The following DENND6A variants were observed in gnomAD, a reference collection of about 807,000 sequenced individuals.
DENND6A encodes the protein protein DENND6A.
Under a neutral mutation model 95.5 loss-of-function variants are expected in DENND6A, and 43 were observed. The ratio of observed to expected loss-of-function variants is 0.45; its 90% CI spans 0.35 to 0.58. The LOEUF (loss-of-function observed/expected upper bound fraction) is 0.58. DENND6A is among the 20% of genes least tolerant of loss of function. The pLI, the probability that DENND6A is intolerant of heterozygous loss-of-function variation, is 0.00. For synonymous variants in DENND6A, 257 were observed against 260.4 expected, an observed-to-expected ratio of 0.99 and a Z score of 0.13; for missense variants, 574 against 736.0, an observed-to-expected ratio of 0.78 and a Z score of 2.55.
chr3:57,652,529 G>A (rs1052611772), intron 9 of DENND6A, among the ~76,000 whole-genome samples: 2 of 152,192 alleles, frequency 1.3e-5, no homozygotes, highest in Non-Finnish European at 2.9e-5. Context: ...CTCAGAAACT[G>A]TGTGAAATAA....
chr3:57,668,914 C>A (rs1278270299), intron 3 of DENND6A, among the ~76,000 whole-genome samples: 1 of 152,142 alleles, frequency 6.6e-6, no homozygotes, highest in Non-Finnish European at 1.5e-5. Flanking sequence ...ACTCCGTCGC[C>A]CAGCCTGGAG....
chr3:57,634,235 C>T (rs895680831), intron 14 of DENND6A, among the ~76,000 whole-genome samples: 1 of 151,272 alleles, frequency 6.6e-6, no homozygotes, highest in Non-Finnish European at 1.5e-5. Flanking sequence ...GAGTTCGAGA[C>T]CAGCCTGGCC....
intron 3 of DENND6A, 88 bp downstream of exon 3, chr3:57,672,168 G>T: frequency 8.2e-7 from 1 of 1,222,990 alleles, no homozygotes; most frequent in Non-Finnish European, 1.1e-6. Flanking sequence ...AATCTAATAT[G>T]CTATTTCAAT....
At chr3:57,681,987 A>C (rs1444583447) in intron 1 of DENND6A, among the ~76,000 whole-genome samples, 3 of 152,184 alleles carry the variant, frequency 2.0e-5, no homozygotes, top group Non-Finnish European at 4.4e-5. Flanking sequence ...TTATATGTGA[A>C]TACCTGAATT....
intron 1 of DENND6A, among the ~76,000 whole-genome samples, chr3:57,672,718 G>C (rs1284639224): frequency 6.6e-6 from 1 of 152,096 alleles, no homozygotes; most frequent in Non-Finnish European, 1.5e-5. Context: ...GGGAGACAGA[G>C]ATCGTAGTAA....
At chr3:57,645,640 A>G (rs761149880) in intron 11 of DENND6A, 21 bp downstream of exon 11, 2 of 1,568,700 alleles carry the variant, frequency 1.3e-6, no homozygotes, top group Non-Finnish European at 1.8e-6. Context: ...TACCTGGTCA[A>G]TAGAAGTTAT....
In DENND6A at chr3:57,654,043, G is replaced by A. The variant is rs1170423308; in HGVS notation, c.818+3637C>T. 2.0e-5 allele frequency among the ~76,000 whole-genome samples: 3 copies of A among 146,846 alleles called. No homozygotes were observed. The Admixed American group carries it at 2.1e-4, about 10-fold the overall frequency. ...GCTCACTGCAAGCTCCACCTCCCGG[G>A]TTCACACCATTCTCTTGCCTCAGCC... On this transcript the variant is annotated intron_variant, in intron 9 of 19. Coordinates refer to ENST00000311128, the MANE Select transcript of DENND6A (RefSeq NM_152678.3).
intron 3 of DENND6A, among the ~76,000 whole-genome samples, chr3:57,668,490 T>C (rs2071562061): frequency 1.3e-5 from 2 of 152,138 alleles, no homozygotes; most frequent in African/African-American, 4.8e-5. Flanking sequence ...ATGATGTTAA[T>C]GGTAAATGAT....
Position 57,672,387 on chromosome 3 carries a change from T to G in DENND6A, c.276+13A>C, listed in dbSNP as rs759800838. The G allele has an allele frequency of 8.1e-6, 13 of 1,612,732 alleles. No homozygotes were observed. Among genetic ancestry groups the G allele is most frequent in the Non-Finnish European group, 1.1e-5 (13 of 1,179,298 alleles). On this transcript the variant is annotated intron_variant, in intron 2 of 19. Transcript: ENST00000311128. The stretch of plus-strand genomic sequence containing the variant: ...TATAACAGTAAACTATACAGAGCAG[T>G]ATTTTTACTTACTTCTCTGTCAGTA...
rs199703095 is a variant in DENND6A at position 57,649,412 on chromosome 3, TA to T, written c.819-2975del. ...TACTTTTACACTGTTGGTAGAAATGTAAACTAGTACAACCACTATGGAAAAC... is the reference window on the plus strand; with the variant it reads ...TACTTTTACACTGTTGGTAGAAATGTAACTAGTACAACCACTATGGAAAAC... On this transcript the variant is annotated intron_variant, in intron 9 of 19. Transcript: ENST00000311128. Among the ~76,000 whole-genome samples, 1,032 of 151,868 alleles carry T rather than the reference TA, an allele frequency of 6.8e-3. 12 individuals carry two copies. The highest frequency in any genetic ancestry group is 0.023 in the African/African-American group (959 of 41,384).
At position 57,672,426 on chromosome 3, in the gene DENND6A, G is replaced by A; in HGVS notation, c.250C>T (p.Gln84Ter). ...TCTCTGTCAGTAAGTTTGGAATGCT[G>A]AGGATAAATTACCTGGAAGAAAAGA... ...LGQAVEVIYP[Q>*]HSKLTDREKT... Residue 84 changes from glutamine to a stop codon, truncating the protein, a stop_gained, in exon 2 of 20, where the codon CAG becomes TAG. Coordinates refer to ENST00000311128, the MANE Select transcript of DENND6A (RefSeq NM_152678.3). LOFTEE classifies it high-confidence loss of function. 2 of 1,612,322 alleles carry A rather than the reference G, an allele frequency of 1.2e-6. No homozygotes were observed. The highest frequency in any genetic ancestry group is 8.5e-7 in the Non-Finnish European group (1 of 1,179,220).
intron 15 of DENND6A, among the ~76,000 whole-genome samples, chr3:57,632,010 C>T (rs1472724276): frequency 6.9e-6 from 1 of 145,608 alleles, no homozygotes; most frequent in African/African-American, 2.5e-5. Context: ...GCGTGAGCCA[C>T]CGCGCCCGGC....
rs1408928828 is a variant in DENND6A at position 57,627,558 on chromosome 3, A to G, written c.*656T>C. On this transcript the variant is annotated 3_prime_UTR_variant, in exon 20 of 20. Coordinates refer to ENST00000311128, the MANE Select transcript of DENND6A (RefSeq NM_152678.3). ...TTAAATTTTGAAAATGGAAGGGAAAATAATGAAAATCTATATGACAACTGA... is the reference window on the plus strand; with the variant it reads ...TTAAATTTTGAAAATGGAAGGGAAAGTAATGAAAATCTATATGACAACTGA... 6.6e-6 allele frequency: 1 copy of G among 152,210 alleles called. No homozygotes were observed. Among genetic ancestry groups the G allele is most frequent in the Non-Finnish European group, 1.5e-5 (1 of 68,036 alleles). The allele number at this position is 152,210 out of a possible 1,614,324, so 9.4% of individuals were successfully genotyped here.
chr3:57,628,965 T>G, intron 18 of DENND6A, 80 bp from the exon 19 acceptor site: 1 of 1,267,502 alleles, frequency 7.9e-7, no homozygotes, highest in South Asian at 1.4e-5. Context: ...AAGGCTACTG[T>G]GAAGGAAAGA....
chr3:57,671,985 A>G (rs1172528735), intron 3 of DENND6A, among the ~76,000 whole-genome samples: 1 of 152,186 alleles, frequency 6.6e-6, no homozygotes, highest in Admixed American at 6.5e-5. Flanking sequence ...ACGAATCCCA[A>G]ATATACCAAT....
intron 1 of DENND6A, among the ~76,000 whole-genome samples, chr3:57,677,621 A>AT (rs2071734223): frequency 6.6e-6 from 1 of 151,696 alleles, no homozygotes; most frequent in African/African-American, 2.4e-5. Flanking sequence ...TTTTCTGTAG[A>AT]TATGGAGTCT....
intron 4 of DENND6A, among the ~76,000 whole-genome samples, chr3:57,664,790 G>T (rs531454942): frequency 6.6e-6 from 1 of 152,086 alleles, no homozygotes; most frequent in Non-Finnish European, 1.5e-5. Flanking sequence ...CTGAGATCAC[G>T]CCACTGCACT....
intron 3 of DENND6A, among the ~76,000 whole-genome samples, chr3:57,667,031 A>C (rs1373952229): frequency 1.3e-5 from 2 of 152,148 alleles, no homozygotes; most frequent in South Asian, 4.1e-4. Context: ...ATTAACTTAC[A>C]TAATTTTATT....
In DENND6A at chr3:57,672,289, T is replaced by C. The variant is rs2071630968; in HGVS notation, c.286A>G (p.Ile96Val). The change falls in exon 3 of 20, where the codon ATT (isoleucine) becomes GTT (valine). Residue 96 changes from isoleucine (I) to valine (V), a missense_variant. Ile to Val is a conservative substitution (Grantham distance 29, BLOSUM62 3). Coordinates refer to ENST00000311128, the MANE Select transcript of DENND6A (RefSeq NM_152678.3). Reference sequence around the variant, plus strand: ...GAATCTGGAAAAGACAAATAGCAAATATTGGTTTTCTGAAAAAGAAAACAA... The same window carrying C: ...GAATCTGGAAAAGACAAATAGCAAACATTGGTTTTCTGAAAAAGAAAACAA... ...SKLTDREKTNICYLSFPDSNS... is the reference protein window; with the variant it reads ...SKLTDREKTNVCYLSFPDSNS... 6.2e-7 allele frequency: 1 copy of C among 1,609,986 alleles called. No homozygotes were observed. Among genetic ancestry groups the C allele is most frequent in the African/African-American group, 1.3e-5 (1 of 74,674 alleles).
Sources: allele counts gnomAD v4.1 joint callset (sites outside exome capture counted in the v4.1 genomes callset), GRCh38; gene constraint gnomAD v4.1.1; transcripts MANE v1.5; gene names NCBI Gene and HGNC (gene_info 2026-07-23, HGNC 2026-07-21).